TMEM132B: variants seen among roughly 807,000 people sequenced by gnomAD.
The protein encoded by TMEM132B is transmembrane protein 132B.
Under a neutral mutation model 90.8 loss-of-function variants are expected in TMEM132B, and 18 were observed. That is an observed-to-expected ratio of 0.20 (90% CI 0.14 to 0.29). The LOEUF (loss-of-function observed/expected upper bound fraction) is 0.29, where lower values mean the gene tolerates loss of function less well. Ranked by LOEUF, TMEM132B falls within the 10% of genes least tolerant of loss-of-function variation. TMEM132B has a pLI of 1.00. For synonymous variants in TMEM132B, 504 were observed against 523.3 expected (o/e 0.96, Z 0.50); for missense variants, 1,096 against 1,326.8 (o/e 0.83, Z 2.70).
intron 4 of TMEM132B, among the ~76,000 whole-genome samples, chr12:125,544,364 C>T (rs1015122097): frequency 2.0e-5 from 3 of 152,174 alleles, no homozygotes; most frequent in Admixed American, 2.0e-4. Flanking sequence ...AGTATAGTCA[C>T]AGATTTAAAT....
chr12:125,422,701 C>T (rs938346859), intron 3 of TMEM132B, among the ~76,000 whole-genome samples: 12 of 152,140 alleles, frequency 7.9e-5, no homozygotes, highest in South Asian at 4.2e-4. Context: ...ACAGAGGAAA[C>T]GGCCACGTGG....
chr12:125,305,628 T>C (rs1161097173), intron 1 of TMEM132B, among the ~76,000 whole-genome samples: 2 of 152,236 alleles, frequency 1.3e-5, no homozygotes. Context: ...TATAGATACA[T>C]TGGTCTTCGT....
chr12:125,380,062 A>T (rs1308183731), intron 2 of TMEM132B, among the ~76,000 whole-genome samples: 1 of 152,228 alleles, frequency 6.6e-6, no homozygotes, highest in Non-Finnish European at 1.5e-5. Context: ...TAGGGCTTTC[A>T]TAACAAATTG....
At chr12:125,400,461 G>A (rs1879287448) in intron 2 of TMEM132B, among the ~76,000 whole-genome samples, 1 of 152,200 alleles carries the variant, frequency 6.6e-6, no homozygotes, top group African/African-American at 2.4e-5. Flanking sequence ...TATCCATCAG[G>A]ATGGCTCCTG....
chr12:125,325,834 A>T (rs1430928281), intron 1 of TMEM132B, among the ~76,000 whole-genome samples: 1 of 152,104 alleles, frequency 6.6e-6, no homozygotes, highest in Non-Finnish European at 1.5e-5. Flanking sequence ...AGGTCATAGG[A>T]TCACATGGGA....
At chr12:125,478,576 A>C (rs888896335) in intron 3 of TMEM132B, among the ~76,000 whole-genome samples, 1 of 152,240 alleles carries the variant, frequency 6.6e-6, no homozygotes, top group Non-Finnish European at 1.5e-5. Context: ...GAGTAAAAAC[A>C]AATGAACAAA....
chr12:125,536,014 C>A (rs891547289), intron 4 of TMEM132B, among the ~76,000 whole-genome samples: 1 of 152,208 alleles, frequency 6.6e-6, no homozygotes, highest in Admixed American at 6.5e-5. Context: ...GCAGCCACAA[C>A]AAGCCAGGAT....
chr12:125,612,011 C>T (rs1247774671), intron 5 of TMEM132B, among the ~76,000 whole-genome samples: 2 of 152,070 alleles, frequency 1.3e-5, no homozygotes, highest in Admixed American at 1.3e-4. Flanking sequence ...ATTTAAGACT[C>T]CCACTAGTAT....
At position 125,659,842 on chromosome 12, in the gene TMEM132B, T is replaced by C. The variant is rs559066073; in HGVS notation, c.*5132T>C. On this transcript the variant is annotated 3_prime_UTR_variant, in exon 9 of 9. Coordinates refer to ENST00000682704, the MANE Select transcript of TMEM132B (RefSeq NM_001366854.1). ...GGCAGGATTTCCTGCCTCTAAACTA[T>C]TGGCAGCAAAAGAGCCAAAAATGTG... 6.6e-6 allele frequency: 1 copy of C among 152,194 alleles called. No individual in the cohort carries two copies. The highest frequency in any genetic ancestry group is 1.5e-5 in the Non-Finnish European group (1 of 68,036). 9.4% of individuals were successfully genotyped at this position (152,194 alleles called of 1,614,324 possible). A position where few individuals can be genotyped will look rare whatever the true frequency, so the allele number is the denominator to read the frequency against.
At chr12:125,503,030 G>A (rs958197531) in intron 3 of TMEM132B, among the ~76,000 whole-genome samples, 2 of 152,200 alleles carry the variant, frequency 1.3e-5, no homozygotes, top group South Asian at 2.1e-4. Flanking sequence ...TTCAGCAGGT[G>A]CGGTCCCAGA....
At chr12:125,630,072 T>A (rs1886325078) in intron 5 of TMEM132B, among the ~76,000 whole-genome samples, 1 of 152,168 alleles carries the variant, frequency 6.6e-6, no homozygotes, top group Admixed American at 6.5e-5. Flanking sequence ...TGGATTAGTA[T>A]GCACCAGAGG....
rs1555248780 is a variant in TMEM132B, at chr12:125,432,393, A to ATG, written c.1106+16717_1106+16718insGT. ...TATATATATATATATATATATATAT[A>ATG]TATATGTATGTATGTGTATATATAT... On this transcript the variant is annotated intron_variant, in intron 3 of 8. Coordinates refer to ENST00000682704, the MANE Select transcript of TMEM132B (RefSeq NM_001366854.1). Among the ~76,000 whole-genome samples the ATG allele has an allele frequency of 1.5e-3, 134 of 87,562 alleles. 38 individuals carry two copies. The highest frequency in any genetic ancestry group is 6.1e-3 in the African/African-American group (100 of 16,482). The allele number at this position is 87,562 out of a possible 152,430, so 57.4% of individuals were successfully genotyped here. A position where few individuals can be genotyped will look rare whatever the true frequency, so the allele number is the denominator to read the frequency against.
At chr12:125,531,019 A>G (rs918008480) in intron 4 of TMEM132B, among the ~76,000 whole-genome samples, 5 of 152,172 alleles carry the variant, frequency 3.3e-5, no homozygotes, top group Admixed American at 2.6e-4. Context: ...TGAGAACTGG[A>G]GTTCCAGATG....
At chr12:125,245,280 A>C (rs1593054131) in intron 1 of TMEM132B, among the ~76,000 whole-genome samples, 2 of 106,842 alleles carry the variant, frequency 1.9e-5, no homozygotes. Flanking sequence ...GCAGCCCCCC[A>C]CTGCAGTTCA....
Position 125,655,292 on chromosome 12 carries a change from T to C in TMEM132B, c.*582T>C, listed in dbSNP as rs1025203277. 6.6e-6 allele frequency: 1 copy of C among 152,310 alleles called. No homozygotes were observed. Among genetic ancestry groups the C allele is most frequent in the Admixed American group, 6.5e-5 (1 of 15,286 alleles). The allele number at this position is 152,310 out of a possible 1,614,324, so 9.4% of individuals were successfully genotyped here. A position where few individuals can be genotyped will look rare whatever the true frequency, so the allele number is the denominator to read the frequency against. ...CCTTGAGCTCTGTTTGATTTACACA[T>C]GAGTTTTCTTCCCTGGGATTTGCCA... On this transcript the variant is annotated 3_prime_UTR_variant, in exon 9 of 9. Coordinates refer to ENST00000682704, the MANE Select transcript of TMEM132B (RefSeq NM_001366854.1).
intron 1 of TMEM132B, among the ~76,000 whole-genome samples, chr12:125,303,111 A>G (rs1169461540): frequency 6.6e-6 from 1 of 151,802 alleles, no homozygotes; most frequent in Non-Finnish European, 1.5e-5. Context: ...AAAAAAACAG[A>G]AGGGAATTCT....
chr12:125,633,417 G>T (rs1271399909), intron 5 of TMEM132B, among the ~76,000 whole-genome samples: 1 of 152,062 alleles, frequency 6.6e-6, no homozygotes, highest in East Asian at 1.9e-4. Flanking sequence ...CTCCAGGATT[G>T]GTCTCTTGTG....
At chr12:125,530,681 G>A (rs961198338) in intron 4 of TMEM132B, among the ~76,000 whole-genome samples, 8 of 152,306 alleles carry the variant, frequency 5.3e-5, no homozygotes, top group East Asian at 1.9e-4. Context: ...GGCTCCAGGC[G>A]TTCCTTAGCC....
At chr12:125,261,885 C>T (rs1874575335) in intron 1 of TMEM132B, among the ~76,000 whole-genome samples, 1 of 152,126 alleles carries the variant, frequency 6.6e-6, no homozygotes, top group Non-Finnish European at 1.5e-5. Flanking sequence ...GGCTGCAGTG[C>T]AGTGGTGAAA....
Sources: gnomAD v4.1 joint callset for allele counts (sites outside exome capture counted in the v4.1 genomes callset) on GRCh38, gnomAD v4.1.1 for gene constraint, MANE v1.5 for transcripts, NCBI Gene and HGNC (gene_info 2026-07-23, HGNC 2026-07-21) for gene names.